Variants in SEC31B observed in about 807,000 individuals in gnomAD.
The protein encoded by SEC31B is protein transport protein Sec31B.
SEC31B carries 113 observed loss-of-function variants against 135.0 expected under a neutral mutation model. That is an observed-to-expected ratio of 0.84 (90% CI 0.72 to 0.98). SEC31B has a LOEUF of 0.98. Among genes scored for constraint, SEC31B ranks in the 50% least tolerant of loss-of-function variants. The pLI, the probability that SEC31B is intolerant of heterozygous loss-of-function variation, is 0.00. For missense variants in SEC31B, 1,296 were observed against 1,421.1 expected, an observed-to-expected ratio of 0.91 and a Z score of 1.42; for synonymous variants, 508 against 549.4, an observed-to-expected ratio of 0.92 and a Z score of 1.05.
chr10:100,488,458 C>CA (rs5787387), intron 24 of SEC31B, among the ~76,000 whole-genome samples: 4,253 of 97,108 alleles, frequency 0.044, 136 homozygotes, highest in Non-Finnish European at 0.067. Context: ...GACTCCATCT[C>CA]AAAAAAAAAA....
intron 14 of SEC31B, 132 bp downstream of exon 14, chr10:100,498,573 A>G: frequency 1.5e-6 from 1 of 667,232 alleles, no homozygotes; most frequent in Non-Finnish European, 2.6e-6. Flanking sequence ...CTGGTAAGCG[A>G]CTCACTCAGC....
rs1430274089 is a variant in SEC31B, at chr10:100,490,793, C to G, written c.2563G>C (p.Gly855Arg). The G allele has an allele frequency of 6.2e-7, 1 of 1,611,114 alleles. No homozygotes were observed. Among genetic ancestry groups the G allele is most frequent in the Non-Finnish European group, 8.5e-7 (1 of 1,178,416 alleles). The change falls in exon 20 of 26, where the codon GGT becomes CGT. Residue 855 changes from glycine to arginine, a missense_variant. Gly to Arg is a moderately radical substitution (Grantham distance 125, BLOSUM62 -2). Coordinates refer to ENST00000370345, the MANE Select transcript of SEC31B (RefSeq NM_015490.4). ...LAPSHPSPYQ[G>R]PRTQNISDYR... ...TCACTTATATTCTGTGTCCTGGGAC[C>G]CTGATAAGGGCTAGGATGGGAAGGT... is the stretch of plus-strand genomic sequence containing the variant.
chr10:100,488,454 A>G lies in SEC31B; in HGVS notation c.3289-356T>C, dbSNP rs1176066169. Among the ~76,000 whole-genome samples, 149 of 81,348 alleles carry G rather than the reference A, an allele frequency of 1.8e-3. 1 individual carries two copies. Among genetic ancestry groups the G allele is most frequent in the Non-Finnish European group, 2.1e-3 (88 of 41,606 alleles). 53.4% of individuals were successfully genotyped at this position (81,348 alleles called of 152,430 possible). On this transcript the variant is annotated intron_variant, in intron 24 of 25. Transcript: ENST00000370345. ...AGCCTGGGCGACAAAGCGAGACTCC[A>G]TCTCAAAAAAAAAAAAAAAAAAAAA...
At chr10:100,513,902 C>T (rs781478358) in intron 3 of SEC31B, among the ~76,000 whole-genome samples, 13 of 151,966 alleles carry the variant, frequency 8.6e-5, no homozygotes, top group Non-Finnish European at 1.5e-4. Context: ...ATTAAAATCT[C>T]GGCCGGGTAC....
chr10:100,513,123 G>A (rs539824338), intron 3 of SEC31B, among the ~76,000 whole-genome samples: 2 of 152,238 alleles, frequency 1.3e-5, no homozygotes, highest in East Asian at 1.9e-4. Context: ...TGAAGTGGGT[G>A]TCTTAGACCC....
At chr10:100,506,507 G>A in intron 7 of SEC31B, 87 bp from the exon 8 acceptor site, 1 of 1,108,052 alleles carries the variant, frequency 9.0e-7, no homozygotes, top group Non-Finnish European at 1.4e-6. Context: ...CATTTTATAG[G>A]GCATATCAGA....
At position 100,490,110 on chromosome 10, in the gene SEC31B, G is replaced by C. The variant is rs139062123; in HGVS notation, c.2863C>G (p.Pro955Ala). Reference sequence around the variant, plus strand: ...ACAGGGAAGCTTGCAGGAGGGGCTGGGGTGTGGGAGACCATGCGGCCGGGA... The same window carrying C: ...ACAGGGAAGCTTGCAGGAGGGGCTGCGGTGTGGGAGACCATGCGGCCGGGA... ...LGPGRMVSHTPAPPASFPVPY... is the reference protein window; with the variant it reads ...LGPGRMVSHTAAPPASFPVPY... The change falls in exon 21 of 26, where the codon CCA becomes GCA. Residue 955 changes from proline (P) to alanine (A), a missense_variant. Pro to Ala is a conservative substitution (Grantham distance 27). Coordinates refer to ENST00000370345, the MANE Select transcript of SEC31B (RefSeq NM_015490.4). The C allele has an allele frequency of 1.3e-6, 2 of 1,587,650 alleles. No individual in the cohort carries two copies. Among genetic ancestry groups the C allele is most frequent in the African/African-American group, 1.3e-5 (1 of 74,362 alleles).
chr10:100,492,933 G>GAAACATGCCACATTCATGGACTGAAAGAC (rs1851328170), intron 19 of SEC31B, among the ~76,000 whole-genome samples: 1 of 152,186 alleles, frequency 6.6e-6, no homozygotes, highest in African/African-American at 2.4e-5. Context: ...CGCTGATGGA[G>GAAACATGCCACATTCATGGACTGAAAGAC]AAACATGCCA....
rs923812949 is a variant in SEC31B, at chr10:100,506,157, C to A, written c.927G>T (p.Val309=). The part of the protein sequence containing the change: ...LPTQSSWCFD[V]QWCPRDPSVF... ...CTGAAGGGTCCCGAGGGCACCACTG[C>A]ACATCAAAGCACCAGCTGCTCTGTG... is the stretch of plus-strand genomic sequence containing the variant. The change falls in exon 9 of 26, where the codon GTG becomes GTT. Residue 309 remains valine (V), a synonymous_variant. Coordinates refer to ENST00000370345, the MANE Select transcript of SEC31B (RefSeq NM_015490.4). The A allele has an allele frequency of 1.2e-6, 2 of 1,614,232 alleles. No individual in the cohort carries two copies. The highest frequency in any genetic ancestry group is 3.3e-5 in the Admixed American group (2 of 60,024).
intron 9 of SEC31B, 97 bp from the exon 10 acceptor site, chr10:100,505,592 C>A: frequency 6.7e-7 from 1 of 1,483,174 alleles, no homozygotes; most frequent in Non-Finnish European, 8.9e-7. Flanking sequence ...CTTGAGACAC[C>A]CAATTTGACC....
At chr10:100,503,518 C>T (rs562495115) in intron 10 of SEC31B, among the ~76,000 whole-genome samples, 1 of 151,688 alleles carries the variant, frequency 6.6e-6, no homozygotes, top group East Asian at 1.9e-4. Context: ...ACCGTAACCT[C>T]CGCCTCCCAG....
At chr10:100,507,593 G>A (rs775615879) in intron 6 of SEC31B, 26 bp from the exon 7 acceptor site, 1 of 1,613,588 alleles carries the variant, frequency 6.2e-7, no homozygotes, top group South Asian at 1.1e-5. Flanking sequence ...ATCCCAATGG[G>A]TGCTGTAACC....
rs775177967 is a variant in SEC31B, at chr10:100,490,903, T to A, written c.2473-20A>T. The stretch of plus-strand genomic sequence containing the variant: ...TGGGACCTATGAAGAGAAAAAAACA[T>A]CAGCTCTTGGAAAGGAAAGAGAAAG... On this transcript the variant is annotated intron_variant, in intron 19 of 25. Coordinates refer to ENST00000370345, the MANE Select transcript of SEC31B (RefSeq NM_015490.4). 6.3e-5 allele frequency: 88 copies of A among 1,394,552 alleles called. No homozygotes were observed. Among genetic ancestry groups the A allele is most frequent in the Non-Finnish European group, 2.8e-6 (3 of 1,059,366 alleles). 86.4% of individuals were successfully genotyped at this position (1,394,552 alleles called of 1,614,324 possible).
At chr10:100,506,602 A>G (rs1589738081) in intron 7 of SEC31B, 182 bp from the exon 8 acceptor site, 1 of 612,678 alleles carries the variant, frequency 1.6e-6, no homozygotes, top group East Asian at 2.8e-5. Context: ...TAACTTTCCA[A>G]CAGTTGCAGA....
chr10:100,502,377 T>A lies in SEC31B; in HGVS notation c.1287A>T (p.Glu429Asp), dbSNP rs1851539833. 6.2e-7 allele frequency: 1 copy of A among 1,614,166 alleles called. No individual in the cohort carries two copies. Among genetic ancestry groups the A allele is most frequent in the Non-Finnish European group, 8.5e-7 (1 of 1,180,026 alleles). Reference sequence around the variant, plus strand: ...GCAGCTCAGCTGATCGCATCAGGAATTCAGATTCTGTGGTGACTTGACTGA... The same window carrying A: ...GCAGCTCAGCTGATCGCATCAGGAAATCAGATTCTGTGGTGACTTGACTGA... ...VFISQVTTES[E>D]FLMRSAELQE... Residue 429 changes from glutamate to aspartate, a missense_variant, in exon 11 of 26, where the codon GAA becomes GAT. Physicochemically the swap from Glu to Asp is conservative, Grantham distance 45. Coordinates refer to ENST00000370345, the MANE Select transcript of SEC31B (RefSeq NM_015490.4).
intron 22 of SEC31B, 109 bp downstream of exon 22, chr10:100,489,594 G>A (rs1851260193): frequency 1.3e-6 from 2 of 1,504,466 alleles, no homozygotes; most frequent in East Asian, 2.3e-5. Flanking sequence ...TAAGTGGGAG[G>A]AGGGCGGGGA....
At chr10:100,514,413 T>A (rs770438684) in intron 3 of SEC31B, among the ~76,000 whole-genome samples, 6 of 152,136 alleles carry the variant, frequency 3.9e-5, no homozygotes, top group Non-Finnish European at 7.4e-5. Flanking sequence ...AGCTCTAGCA[T>A]ATAAACATCT....
At position 100,489,285 on chromosome 10, in the gene SEC31B, A is replaced by C; in HGVS notation, c.3138T>G (p.Ala1046=). 1.9e-6 allele frequency: 3 copies of C among 1,611,954 alleles called. No individual in the cohort carries two copies. The highest frequency in any genetic ancestry group is 2.5e-6 in the Non-Finnish European group (3 of 1,179,326). Residue 1046 remains alanine (A), a synonymous_variant, in exon 23 of 26, where the codon GCT becomes GCG. Transcript: ENST00000370345. Reference sequence around the variant, plus strand: ...TGAGTTCTCCTGGAACTCCTGGGGGAGCATGACTCACACTGGAGACAGGGG... The same window carrying C: ...TGAGTTCTCCTGGAACTCCTGGGGGCGCATGACTCACACTGGAGACAGGGG... ...SQPPVSSVSH[A]PPGVPGELSL...
Position 100,487,771 on chromosome 10 carries a change from G to C in SEC31B, c.3385C>G (p.Leu1129Val). Residue 1129 changes from leucine to valine, a missense_variant, in exon 26 of 26, where the codon CTC (leucine) becomes GTC (valine). Leu to Val is a conservative substitution (Grantham distance 32). Coordinates refer to ENST00000370345, the MANE Select transcript of SEC31B (RefSeq NM_015490.4). Reference sequence around the variant, plus strand: ...TCCACACATCGGGCAACCTCATGGAGCCCAGCCACGACATGAGGTGAGAGC... The same window carrying C: ...TCCACACATCGGGCAACCTCATGGACCCCAGCCACGACATGAGGTGAGAGC... Reference protein sequence around the residue: ...GTLSPHVVAGLHEVARCVDAG... With the variant: ...GTLSPHVVAGVHEVARCVDAG... 6.2e-7 allele frequency: 1 copy of C among 1,614,044 alleles called. No homozygotes were observed. The highest frequency in any genetic ancestry group is 8.5e-7 in the Non-Finnish European group (1 of 1,179,994).
Sources: gnomAD v4.1 joint callset for allele counts (sites outside exome capture counted in the v4.1 genomes callset) on GRCh38, gnomAD v4.1.1 for gene constraint, MANE v1.5 for transcripts, NCBI Gene and HGNC (gene_info 2026-07-23, HGNC 2026-07-21) for gene names.